The following PRMT3 variants were observed in gnomAD, a reference collection of about 807,000 sequenced individuals.
PRMT3 encodes the protein protein arginine N-methyltransferase 3.
Under a neutral mutation model 71.9 loss-of-function variants are expected in PRMT3, and 62 were observed. That is an observed-to-expected ratio of 0.86 (90% CI 0.70 to 1.07). PRMT3 has a LOEUF of 1.07. Among genes scored for constraint, PRMT3 ranks in the 50% least tolerant of loss-of-function variants. The pLI is 0.00. For synonymous variants in PRMT3, 213 were observed against 220.4 expected (o/e 0.97, Z 0.30); for missense variants, 663 against 643.0 (o/e 1.03, Z -0.34).
In PRMT3 at chr11:20,387,946, C is replaced by G. The variant is rs763495265; in HGVS notation, c.29-73C>G. On this transcript the variant is annotated intron_variant, in intron 1 of 15. Coordinates refer to ENST00000331079, the MANE Select transcript of PRMT3 (RefSeq NM_005788.4). This position sits in a 1 kb window ranked among gnomAD's most constrained non-coding sequence, Gnocchi z 4.3. The stretch of plus-strand genomic sequence containing the variant: ...GCGAACGGGGCGGAGGAGAGCCCAT[C>G]GTCACCTGCTCCTCGAGCCCCCGGG... 1.9e-6 allele frequency: 3 copies of G among 1,605,180 alleles called. No homozygotes were observed. In the Admixed American group the frequency reaches 5.0e-5, roughly 27 times the overall value.
chr11:20,452,908 A>T (rs183089514), intron 11 of PRMT3, among the ~76,000 whole-genome samples: 43 of 152,294 alleles, frequency 2.8e-4, no homozygotes, highest in Middle Eastern at 6.8e-3. Flanking sequence ...AGCTTCTAGG[A>T]TGTAGATGGA....
rs908459081 is a variant in PRMT3, at chr11:20,387,965, C to T, written c.29-54C>T. ...GCCCATCGTCACCTGCTCCTCGAGC[C>T]CCCGGGCCGCACCGGTGTCCGAGGC... On this transcript the variant is annotated intron_variant, in intron 1 of 15. Transcript: ENST00000331079. The surrounding 1 kb of genome is among the most constrained non-coding windows in gnomAD (Gnocchi z 4.3). 1.2e-6 allele frequency: 2 copies of T among 1,610,382 alleles called. No homozygotes were observed. Among genetic ancestry groups the T allele is most frequent in the Non-Finnish European group, 1.7e-6 (2 of 1,178,104 alleles).
intron 15 of PRMT3, among the ~76,000 whole-genome samples, chr11:20,497,746 A>G (rs1467393240): frequency 2.6e-5 from 4 of 152,218 alleles, no homozygotes; most frequent in African/African-American, 9.6e-5. Context: ...ATGTGTACCA[A>G]GGAGTTCTCA....
At chr11:20,434,180 GAA>G (rs1226986588) in intron 10 of PRMT3, among the ~76,000 whole-genome samples, 4 of 152,066 alleles carry the variant, frequency 2.6e-5, no homozygotes, top group African/African-American at 9.7e-5. Flanking sequence ...GTCCTCTTTA[GAA>G]AAGTGTCTCT....
At chr11:20,425,399 T>TTAGA (rs1849525074) in intron 9 of PRMT3, among the ~76,000 whole-genome samples, 2 of 152,230 alleles carry the variant, frequency 1.3e-5, no homozygotes, top group African/African-American at 4.8e-5. Context: ...ATTTAAAAAG[T>TTAGA]TAGATATACA....
intron 9 of PRMT3, among the ~76,000 whole-genome samples, chr11:20,417,774 TCACACACA>T (rs34609751): frequency 6.7e-6 from 1 of 149,350 alleles, no homozygotes; most frequent in East Asian, 2.0e-4. Flanking sequence ...TCTCTCTCTG[TCACACACA>T]CACACACACA....
chr11:20,398,871 CAT>C (rs1192175613), intron 7 of PRMT3, among the ~76,000 whole-genome samples: 1 of 152,202 alleles, frequency 6.6e-6, no homozygotes. Context: ...CACAACAACA[CAT>C]TTCTCAGAAG....
chr11:20,474,646 C>G (rs1029569267), intron 13 of PRMT3, among the ~76,000 whole-genome samples: 3 of 152,184 alleles, frequency 2.0e-5, no homozygotes, highest in African/African-American at 7.2e-5. Flanking sequence ...TGGGCAGGAT[C>G]GCACAATCAC....
At chr11:20,484,132 T>C (rs1434125931) in intron 13 of PRMT3, among the ~76,000 whole-genome samples, 2 of 152,164 alleles carry the variant, frequency 1.3e-5, no homozygotes, top group African/African-American at 2.4e-5. Context: ...ACCATTTAGA[T>C]AGCATGCCCA....
Position 20,447,338 on chromosome 11 carries a change from T to C in PRMT3, c.994-4792T>C, listed in dbSNP as rs147608047. On this transcript the variant is annotated intron_variant, in intron 10 of 15. Transcript: ENST00000331079. ...ATTTTAGATTGTTAGAATTTGGGAC[T>C]GTGGGTTGGGTGGGGACAATGGTGC... Among the ~76,000 whole-genome samples the C allele has an allele frequency of 4.5e-3, 682 of 152,146 alleles. 8 individuals carry two copies. The highest frequency in any genetic ancestry group is 0.016 in the African/African-American group (658 of 41,520).
chr11:20,415,522 G>A (rs1384162915), intron 9 of PRMT3, among the ~76,000 whole-genome samples: 5 of 138,780 alleles, frequency 3.6e-5, no homozygotes, highest in Non-Finnish European at 6.4e-5. Flanking sequence ...GACTTCCAAG[G>A]TATCTCTCTC....
chr11:20,509,106 AAG>A lies in PRMT3; in HGVS notation c.*695_*696del, dbSNP rs1035813774. On this transcript the variant is annotated 3_prime_UTR_variant, in exon 16 of 16. Coordinates refer to ENST00000331079, the MANE Select transcript of PRMT3 (RefSeq NM_005788.4). Reference sequence around the variant, plus strand: ...ATCCTAGGTTTCATGAAAGTTTTTAAAGATTGGGATAAATATGTACTTATTTA... The same window carrying A: ...ATCCTAGGTTTCATGAAAGTTTTTAAATTGGGATAAATATGTACTTATTTA... The A allele has an allele frequency of 2.6e-5, 4 of 152,740 alleles. No individual in the cohort carries two copies. The highest frequency in any genetic ancestry group is 9.7e-5 in the African/African-American group (4 of 41,434). The allele number at this position is 152,740 out of a possible 1,614,324, so 9.5% of individuals were successfully genotyped here. A position where few individuals can be genotyped will look rare whatever the true frequency, so the allele number is the denominator to read the frequency against.
chr11:20,406,933 C>T (rs762091649), intron 8 of PRMT3: 1 of 152,044 alleles, frequency 6.6e-6, no homozygotes, highest in East Asian at 1.9e-4. Context: ...TTTAATAGTT[C>T]GTATATCCAA....
intron 6 of PRMT3, among the ~76,000 whole-genome samples, chr11:20,396,848 A>G (rs866082363): frequency 1.3e-5 from 2 of 152,344 alleles, no homozygotes; most frequent in Middle Eastern, 3.4e-3. Context: ...GAGATTCTGC[A>G]TTTCTGACAA....
intron 13 of PRMT3, among the ~76,000 whole-genome samples, chr11:20,488,045 G>A (rs1851119671): frequency 6.6e-6 from 1 of 152,082 alleles, no homozygotes; most frequent in Non-Finnish European, 1.5e-5. Flanking sequence ...CAATCTGGCA[G>A]TATCTCTTGA....
intron 3 of PRMT3, among the ~76,000 whole-genome samples, chr11:20,391,480 T>C (rs566154370): frequency 6.6e-5 from 10 of 152,196 alleles, no homozygotes; most frequent in Non-Finnish European, 1.2e-4. Flanking sequence ...CGACCTCAGG[T>C]GATCCGCCTG....
chr11:20,392,753 G>A (rs1848743986), intron 4 of PRMT3, 144 bp from the exon 5 acceptor site: 8 of 514,602 alleles, frequency 1.6e-5, no homozygotes, highest in Admixed American at 7.2e-5. Context: ...TTAATGAAAT[G>A]ACAGGCACGT....
intron 7 of PRMT3, 30 bp from the exon 8 acceptor site, chr11:20,402,889 A>G: frequency 6.4e-7 from 1 of 1,556,080 alleles, no homozygotes; most frequent in Non-Finnish European, 8.9e-7. Context: ...ACTGTCCTAT[A>G]AACACAGCGT....
chr11:20,391,592 T>C (rs1472480914), intron 3 of PRMT3, among the ~76,000 whole-genome samples: 1 of 152,172 alleles, frequency 6.6e-6, no homozygotes, highest in African/African-American at 2.4e-5. Context: ...ATACTTAAGA[T>C]AGAATTTTGT....
Sources: gnomAD v4.1 joint callset for allele counts (sites outside exome capture counted in the v4.1 genomes callset) on GRCh38, gnomAD v4.1.1 for gene constraint, Gnocchi (gnomAD v3.1) non-coding constraint, MANE v1.5 for transcripts, NCBI Gene and HGNC (gene_info 2026-07-23, HGNC 2026-07-21) for gene names.